The following TMEM51 variants were observed in gnomAD, a reference collection of about 807,000 sequenced individuals.
The protein encoded by TMEM51 is chromosome 1 open reading frame 72.
A neutral mutation model predicts 13.6 loss-of-function variants in TMEM51; 8 were observed. The observed-to-expected ratio is 0.59, with a 90% confidence interval of 0.35 to 1.07. The LOEUF (loss-of-function observed/expected upper bound fraction) is 1.07, where lower values mean the gene tolerates loss of function less well. Ranked by LOEUF, TMEM51 falls within the 50% of genes least tolerant of loss-of-function variation. TMEM51 has a pLI of 0.02. For synonymous variants in TMEM51, 147 were observed against 144.4 expected, an observed-to-expected ratio of 1.02 and a Z score of -0.13; for missense variants, 279 against 330.7, an observed-to-expected ratio of 0.84 and a Z score of 1.21.
chr1:15,167,676 T>C (rs575378814), intron 1 of TMEM51, among the ~76,000 whole-genome samples: 9 of 152,320 alleles, frequency 5.9e-5, no homozygotes, highest in African/African-American at 1.9e-4. Flanking sequence ...TAATGAAACA[T>C]TGATAATATC....
intron 1 of TMEM51, among the ~76,000 whole-genome samples, chr1:15,174,339 C>G (rs1643389416): frequency 1.3e-5 from 2 of 152,176 alleles, no homozygotes; most frequent in Admixed American, 6.5e-5. Context: ...ACCTCCTGGA[C>G]TCAAGCAAAC....
rs762244888 is a variant in TMEM51, at chr1:15,215,185, T to A, written c.98T>A (p.Leu33Gln). The change falls in exon 3 of 4, where the codon CTG (leucine) becomes CAG (glutamine). Residue 33 changes from leucine (L) to glutamine (Q), a missense_variant. Physicochemically the swap from Leu to Gln is moderately radical, Grantham distance 113. Transcript: ENST00000376008. Reference protein sequence around the residue: ...VLGVIMAMWNLVPGFSAAEKP... With the variant: ...VLGVIMAMWNQVPGFSAAEKP... ...GGGGTGATCATGGCCATGTGGAACCTGGTACCCGGCTTCAGCGCGGCCGAG... is the reference window on the plus strand; with the variant it reads ...GGGGTGATCATGGCCATGTGGAACCAGGTACCCGGCTTCAGCGCGGCCGAG... 6.2e-7 allele frequency: 1 copy of A among 1,614,072 alleles called. No homozygotes were observed. The highest frequency in any genetic ancestry group is 8.5e-7 in the Non-Finnish European group (1 of 1,180,042).
intron 1 of TMEM51, chr1:15,171,117 A>ATCCCCCCCCCCCCCCC: frequency 1.5e-6 from 1 of 650,076 alleles, no homozygotes; most frequent in South Asian, 1.7e-5. Context: ...CCCCCGCCAC[A>ATCCCCCCCCCCCCCCC]TCCCCCACCC....
At chr1:15,160,997 GAA>G (rs1557829737) in intron 1 of TMEM51, among the ~76,000 whole-genome samples, 1 of 152,002 alleles carries the variant, frequency 6.6e-6, no homozygotes, top group African/African-American at 2.4e-5. Flanking sequence ...AGGATTTTCA[GAA>G]AGAGTGCAGT....
chr1:15,154,609 G>A (rs1248486822), intron 1 of TMEM51, among the ~76,000 whole-genome samples: 1 of 152,158 alleles, frequency 6.6e-6, no homozygotes, highest in Non-Finnish European at 1.5e-5. Context: ...TACGTTACCG[G>A]GCCTAGGGGA....
intron 1 of TMEM51, among the ~76,000 whole-genome samples, chr1:15,189,455 G>A (rs980600702): frequency 1.2e-4 from 19 of 152,066 alleles, no homozygotes; most frequent in Non-Finnish European, 2.4e-4. Flanking sequence ...CTCTCTGGCT[G>A]CCTCCATTCC....
At chr1:15,163,646 TAGCAACAAAA>T (rs1642874250) in intron 1 of TMEM51, among the ~76,000 whole-genome samples, 2 of 148,320 alleles carry the variant, frequency 1.3e-5, no homozygotes, top group Non-Finnish European at 1.5e-5. Flanking sequence ...TTTGTAATAA[TAGCAACAAAA>T]TTAGAAAGCC....
At chr1:15,171,424 C>A in intron 1 of TMEM51, 1 of 989,088 alleles carries the variant, frequency 1.0e-6, no homozygotes, top group Non-Finnish European at 1.3e-6. Context: ...CGCCACCTGG[C>A]CCTGGGTACA....
intron 2 of TMEM51, among the ~76,000 whole-genome samples, chr1:15,214,634 C>A (rs1414214673): frequency 1.3e-5 from 2 of 152,260 alleles, no homozygotes; most frequent in African/African-American, 2.4e-5. Context: ...TGAGCTCCGA[C>A]CTTTCTGGCC....
In TMEM51 at chr1:15,165,064, G is replaced by A. The variant is rs377747052; in HGVS notation, c.-267+11110G>A. Among the ~76,000 whole-genome samples the A allele has an allele frequency of 1.8e-4, 28 of 152,262 alleles. No homozygotes were observed. In the East Asian group the frequency reaches 5.0e-3, roughly 27 times the overall value. ...GATCCGCCCACCTCGACCTCCCAAA[G>A]TGCTGGGATTACAGGCATGAGCCAC... On this transcript the variant is annotated intron_variant, in intron 1 of 3. Coordinates refer to ENST00000376008, the MANE Select transcript of TMEM51 (RefSeq NM_001136218.2).
At chr1:15,154,450 G>A (rs1642516700) in intron 1 of TMEM51, among the ~76,000 whole-genome samples, 1 of 152,174 alleles carries the variant, frequency 6.6e-6, no homozygotes, top group African/African-American at 2.4e-5. Context: ...CAAACACGGG[G>A]GTAAAGAATC....
At chr1:15,159,071 A>G (rs1642683061) in intron 1 of TMEM51, among the ~76,000 whole-genome samples, 2 of 152,178 alleles carry the variant, frequency 1.3e-5, no homozygotes, top group African/African-American at 4.8e-5. Context: ...CCTAGAAGCA[A>G]CTCAGGGGTT....
chr1:15,212,833 AG>A (rs1644364003), intron 2 of TMEM51, among the ~76,000 whole-genome samples: 1 of 152,324 alleles, frequency 6.6e-6, no homozygotes, highest in East Asian at 1.9e-4. Context: ...ATATGTACAT[AG>A]GTGCTCGCAC....
Position 15,219,779 on chromosome 1 carries a change from C to A in TMEM51, c.*36C>A. 6.3e-7 allele frequency: 1 copy of A among 1,595,248 alleles called. No individual in the cohort carries two copies. The highest frequency in any genetic ancestry group is 8.5e-7 in the Non-Finnish European group (1 of 1,170,416). Reference sequence around the variant, plus strand: ...TTGAGCCACGCTCCCTCCTGTCTCTCACACCTTTCACCCCCAAGACTCTAA... The same window carrying A: ...TTGAGCCACGCTCCCTCCTGTCTCTAACACCTTTCACCCCCAAGACTCTAA... On this transcript the variant is annotated 3_prime_UTR_variant, in exon 4 of 4. Transcript: ENST00000376008.
In TMEM51 at chr1:15,211,837, C is replaced by G. The variant is rs1331004165; in HGVS notation, c.-194+1275C>G. 1.2e-4 allele frequency among the ~76,000 whole-genome samples: 12 copies of G among 97,218 alleles called. No homozygotes were observed. The East Asian group carries it at 2.1e-3, about 17-fold the overall frequency. The allele number at this position is 97,218 out of a possible 152,430, so 63.8% of individuals were successfully genotyped here. A position where few individuals can be genotyped will look rare whatever the true frequency, so the allele number is the denominator to read the frequency against. On this transcript the variant is annotated intron_variant, in intron 2 of 3. Coordinates refer to ENST00000376008, the MANE Select transcript of TMEM51 (RefSeq NM_001136218.2). ...TGAAAGGTGACCCCCCCCCCCCCCCCGGGATTTTTACATACGTGTGTATAT... is the reference window on the plus strand; with the variant it reads ...TGAAAGGTGACCCCCCCCCCCCCCCGGGGATTTTTACATACGTGTGTATAT...
intron 2 of TMEM51, among the ~76,000 whole-genome samples, chr1:15,211,015 A>G (rs557551396): frequency 6.6e-6 from 1 of 152,322 alleles, no homozygotes; most frequent in Admixed American, 6.5e-5. Context: ...CCATGAACCC[A>G]AAAAACCAAA....
rs566717149 is a variant in TMEM51 at position 15,161,626 on chromosome 1, T to C, written c.-267+7672T>C. ...TGTTGCTGTAAAGAAATACCTGAGATTGGGTAATTTATAAAGAAAAGAGAT... is the reference window on the plus strand; with the variant it reads ...TGTTGCTGTAAAGAAATACCTGAGACTGGGTAATTTATAAAGAAAAGAGAT... On this transcript the variant is annotated intron_variant, in intron 1 of 3. Transcript: ENST00000376008. The surrounding 1 kb of genome is among the most constrained non-coding windows in gnomAD (Gnocchi z 4.0). 6.6e-6 allele frequency among the ~76,000 whole-genome samples: 1 copy of C among 151,982 alleles called. No homozygotes were observed. The highest frequency in any genetic ancestry group is 1.5e-5 in the Non-Finnish European group (1 of 68,000).
intron 1 of TMEM51, among the ~76,000 whole-genome samples, chr1:15,195,566 G>A (rs942314292): frequency 6.6e-6 from 1 of 152,068 alleles, no homozygotes; most frequent in Non-Finnish European, 1.5e-5. Context: ...CAAAGGAACC[G>A]GTTTGCCCTC....
At chr1:15,211,205 C>T (rs4661605) in intron 2 of TMEM51, among the ~76,000 whole-genome samples, 9,263 of 152,202 alleles carry the variant, frequency 0.061, 391 homozygotes, top group Non-Finnish European at 0.096. Context: ...TGTTTCTCAA[C>T]CTTTTCCGCC....
Sources: gnomAD v4.1 joint callset for allele counts (sites outside exome capture counted in the v4.1 genomes callset) on GRCh38, gnomAD v4.1.1 for gene constraint, Gnocchi (gnomAD v3.1) non-coding constraint, MANE v1.5 for transcripts, NCBI Gene and HGNC (gene_info 2026-07-23, HGNC 2026-07-21) for gene names.